Variants in TACC2 observed in about 807,000 individuals in gnomAD.
TACC2 encodes transforming acidic coiled-coil containing protein 2.
Under a neutral mutation model 227.3 loss-of-function variants are expected in TACC2, and 137 were observed. The observed-to-expected ratio is 0.60, with a 90% CI of 0.52 to 0.69. The LOEUF is 0.69. Among genes scored for constraint, TACC2 ranks in the 30% least tolerant of loss-of-function variants. TACC2 has a pLI of 0.00. For missense variants in TACC2, 3,470 were observed against 3,694.4 expected (o/e 0.94, Z 1.57); for synonymous variants, 1,523 against 1,487.5 (o/e 1.02, Z -0.55).
In TACC2 at chr10:122,141,965, T is replaced by C. The variant is rs2139182082; in HGVS notation, c.5700-1607T>C. Among the ~76,000 whole-genome samples the C allele has an allele frequency of 6.6e-6, 1 of 152,358 alleles. No homozygotes were observed. The highest frequency in any genetic ancestry group is 1.9e-4 in the East Asian group (1 of 5,192). On this transcript the variant is annotated intron_variant, in intron 6 of 22. Transcript: ENST00000369005. This position sits in a 1 kb window ranked among gnomAD's most constrained non-coding sequence, Gnocchi z 4.3. The stretch of plus-strand genomic sequence containing the variant: ...AAATAGCTCTCTTAAGGAGCTTAAA[T>C]GCCTCTGGTAGTTTGCATTATTCAT...
intron 5 of TACC2, among the ~76,000 whole-genome samples, chr10:122,098,227 G>C (rs1268491227): frequency 6.6e-6 from 1 of 152,146 alleles, no homozygotes; most frequent in Non-Finnish European, 1.5e-5. Flanking sequence ...TGTTTGCATG[G>C]ATATGTTTGT....
At chr10:122,224,600 C>T (rs1318721273) in intron 11 of TACC2, 126 bp from the exon 12 acceptor site, 5 of 772,000 alleles carry the variant, frequency 6.5e-6, no homozygotes, top group Non-Finnish European at 6.6e-6. Flanking sequence ...ACAGTGGGCA[C>T]CGTCAGAAAG....
intron 7 of TACC2, among the ~76,000 whole-genome samples, chr10:122,188,833 C>T (rs972806073): frequency 2.0e-5 from 3 of 152,136 alleles, no homozygotes; most frequent in Admixed American, 1.3e-4. Flanking sequence ...CTGGGAATCT[C>T]GGGGTAAATG....
intron 5 of TACC2, among the ~76,000 whole-genome samples, chr10:122,089,583 A>G (rs575348340): frequency 6.6e-6 from 1 of 152,360 alleles, no homozygotes; most frequent in Admixed American, 6.5e-5. Flanking sequence ...GTACACAGAC[A>G]CACAGTGAAC....
chr10:122,214,757 TG>T (rs1323478047), intron 9 of TACC2, among the ~76,000 whole-genome samples: 2 of 152,166 alleles, frequency 1.3e-5, no homozygotes, highest in African/African-American at 4.8e-5. Flanking sequence ...AGAGAAGAGC[TG>T]TGAATCTTGT....
intron 7 of TACC2, among the ~76,000 whole-genome samples, chr10:122,159,541 G>A (rs2092694940): frequency 6.6e-6 from 1 of 152,202 alleles, no homozygotes; most frequent in Non-Finnish European, 1.5e-5. Context: ...ACTGCTGGGT[G>A]CAGAGTTGTG....
chr10:122,045,416 C>T (rs1344898006), intron 2 of TACC2, among the ~76,000 whole-genome samples: 1 of 152,230 alleles, frequency 6.6e-6, no homozygotes, highest in Non-Finnish European at 1.5e-5. Context: ...CACTTCCAAG[C>T]TGTGTGATCT....
At chr10:122,063,924 G>A (rs2077117600) in intron 3 of TACC2, among the ~76,000 whole-genome samples, 1 of 151,894 alleles carries the variant, frequency 6.6e-6, no homozygotes, top group East Asian at 1.9e-4. Flanking sequence ...CACTTTGGGA[G>A]GCCGAGGCAG....
At chr10:122,186,144 G>A (rs2094182359) in intron 7 of TACC2, among the ~76,000 whole-genome samples, 1 of 152,064 alleles carries the variant, frequency 6.6e-6, no homozygotes, top group Non-Finnish European at 1.5e-5. Flanking sequence ...GGCCTGGCTG[G>A]TCTCAAACTC....
intron 3 of TACC2, among the ~76,000 whole-genome samples, chr10:122,074,208 G>A (rs2078502628): frequency 1.3e-5 from 2 of 151,986 alleles, no homozygotes; most frequent in African/African-American, 4.8e-5. Context: ...AGCCTCCTGA[G>A]TAGCTGGGAC....
chr10:122,172,624 G>A (rs544200801), intron 7 of TACC2, among the ~76,000 whole-genome samples: 4 of 152,294 alleles, frequency 2.6e-5, no homozygotes, highest in South Asian at 2.1e-4. Flanking sequence ...AAACATCTGC[G>A]CACATTTAGA....
chr10:122,223,975 G>A (rs1157200884), intron 11 of TACC2, among the ~76,000 whole-genome samples: 1 of 152,166 alleles, frequency 6.6e-6, no homozygotes, highest in Non-Finnish European at 1.5e-5. Flanking sequence ...CATATAGGAG[G>A]TGCTTCATCC....
intron 5 of TACC2, among the ~76,000 whole-genome samples, chr10:122,128,794 C>T (rs1439927348): frequency 1.3e-5 from 2 of 152,158 alleles, no homozygotes; most frequent in African/African-American, 2.4e-5. Flanking sequence ...CAAATGATTT[C>T]ACCACCGAAA....
intron 5 of TACC2, among the ~76,000 whole-genome samples, chr10:122,094,486 C>T (rs1031846141): frequency 1.3e-4 from 20 of 152,146 alleles, no homozygotes; most frequent in African/African-American, 4.8e-4. Context: ...ACTATGTTGT[C>T]CAGGCTGGTC....
intron 5 of TACC2, among the ~76,000 whole-genome samples, chr10:122,098,537 G>C (rs1009394150): frequency 6.6e-6 from 1 of 152,124 alleles, no homozygotes; most frequent in Admixed American, 6.5e-5. Flanking sequence ...AAGTTCCTTA[G>C]CCACCCTAAG....
chr10:122,153,156 C>G (rs1214205772), intron 7 of TACC2, among the ~76,000 whole-genome samples: 3 of 151,982 alleles, frequency 2.0e-5, no homozygotes, highest in Non-Finnish European at 4.4e-5. Flanking sequence ...TCACCACGCC[C>G]GGCTAAGTTT....
Position 122,084,784 on chromosome 10 carries a change from C to A in TACC2, c.2284C>A (p.Pro762Thr), listed in dbSNP as rs769972131. Reference protein sequence around the residue: ...GEGLLTSPDQPRGPACDASRQ... With the variant: ...GEGLLTSPDQTRGPACDASRQ... ...GGGCTTGCTGACGTCCCCAGATCAA[C>A]CCCGCGGGCCGGCGTGTGATGCGTC... The change falls in exon 4 of 23, where the codon CCC becomes ACC. Residue 762 changes from proline (P) to threonine (T), a missense_variant. Around this residue, in one of 10 missense-constraint regions of TACC2, gnomAD observed 1,924 missense variants for 1,978.3 expected, o/e 0.97. Transcript: ENST00000369005. 5.0e-6 allele frequency: 8 copies of A among 1,613,490 alleles called. No individual in the cohort carries two copies. Among genetic ancestry groups the A allele is most frequent in the Non-Finnish European group, 6.8e-6 (8 of 1,180,042 alleles).
chr10:122,094,577 C>T lies in TACC2; in HGVS notation c.5573+5986C>T, dbSNP rs2081178115. On this transcript the variant is annotated intron_variant, in intron 5 of 22. Transcript: ENST00000369005. ...TATTATAGGCATGAGCCACCATGCC[C>T]GACCCTCTAAATCCCTTTGAAAGTG... Among the ~76,000 whole-genome samples the T allele has an allele frequency of 2.6e-5, 4 of 152,160 alleles. 1 individual carries two copies. The highest frequency in any genetic ancestry group is 4.1e-4 in the South Asian group (2 of 4,834).
intron 2 of TACC2, among the ~76,000 whole-genome samples, chr10:122,041,519 T>C (rs1342762639): frequency 2.7e-5 from 4 of 150,386 alleles, no homozygotes; most frequent in Admixed American, 1.3e-4. Flanking sequence ...CGATCTCGGC[T>C]CACTACAATC....
Sources: gnomAD v4.1 joint callset for allele counts (sites outside exome capture counted in the v4.1 genomes callset) on GRCh38, gnomAD v4.1.1 for gene constraint, gnomAD v4.1.1 regional missense constraint, Gnocchi (gnomAD v3.1) non-coding constraint, MANE v1.5 for transcripts, NCBI Gene and HGNC (gene_info 2026-07-23, HGNC 2026-07-21) for gene names.